Variants in MKX observed in about 807,000 individuals in gnomAD.
MKX encodes homeobox protein Mohawk.
Under a neutral mutation model 36.0 loss-of-function variants are expected in MKX, and 13 were observed. That is an observed-to-expected ratio of 0.36 (90% confidence interval 0.24 to 0.57). The LOEUF (loss-of-function observed/expected upper bound fraction) is 0.57. MKX is among the 20% of genes least tolerant of loss of function. The probability of loss-of-function intolerance (pLI) is 0.79; values close to 1 mark genes in which losing one functional copy is unlikely to be tolerated. For missense variants in MKX, 458 were observed against 456.4 expected (o/e 1.00, Z -0.03); for synonymous variants, 176 against 178.3 (o/e 0.99, Z 0.10).
At chr10:27,679,750 T>G (rs898741667) in intron 5 of MKX, among the ~76,000 whole-genome samples, 16 of 152,220 alleles carry the variant, frequency 1.1e-4, no homozygotes, top group African/African-American at 3.9e-4. Flanking sequence ...CTGATATCAT[T>G]TGATGGGAAT....
At chr10:27,685,683 C>A (rs1432252051) in intron 5 of MKX, among the ~76,000 whole-genome samples, 1 of 152,158 alleles carries the variant, frequency 6.6e-6, no homozygotes, top group African/African-American at 2.4e-5. Context: ...ATCTCCTAAC[C>A]TTGTGATCCA....
intron 5 of MKX, among the ~76,000 whole-genome samples, chr10:27,678,016 TA>T (rs1836185358): frequency 6.6e-6 from 1 of 152,252 alleles, no homozygotes; most frequent in East Asian, 1.9e-4. Flanking sequence ...TGATCATTTG[TA>T]ATTTACAGAA....
At chr10:27,678,673 A>G (rs557701543) in intron 5 of MKX, among the ~76,000 whole-genome samples, 4 of 152,236 alleles carry the variant, frequency 2.6e-5, no homozygotes, top group Admixed American at 1.3e-4. Context: ...CTGCACGTGG[A>G]AGGAGAAGAT....
intron 5 of MKX, among the ~76,000 whole-genome samples, chr10:27,728,119 A>C (rs1240310604): frequency 6.6e-6 from 1 of 152,248 alleles, no homozygotes; most frequent in African/African-American, 2.4e-5. Context: ...TTTGCATGCC[A>C]GGAAAAGAAT....
At position 27,722,839 on chromosome 10, in the gene MKX, G is replaced by C. The variant is rs78811371; in HGVS notation, c.838+11617C>G. Among the ~76,000 whole-genome samples the C allele has an allele frequency of 2.0e-3, 301 of 152,276 alleles. 1 individual carries two copies. Among genetic ancestry groups the C allele is most frequent in the African/African-American group, 6.9e-3 (285 of 41,558 alleles). On this transcript the variant is annotated intron_variant, in intron 5 of 6. Transcript: ENST00000419761. ...AATGAAAGCATCTGAGAGACAACGT[G>C]AGGTCAAACATAGCACAGATGGGTC... is the stretch of plus-strand genomic sequence containing the variant.
chr10:27,741,265 G>C lies in MKX; in HGVS notation c.348+80C>G. ...TCTCCAGGTAGAAGCGCCACGTGGA[G>C]AGCCACACGAACTCTAAGCGTTCCC... is the stretch of plus-strand genomic sequence containing the variant. On this transcript the variant is annotated intron_variant, in intron 3 of 6. Transcript: ENST00000419761. The surrounding 1 kb of genome is among the most constrained non-coding windows in gnomAD (Gnocchi z 5.1). 1 of 1,563,430 alleles carries C rather than the reference G, an allele frequency of 6.4e-7. No homozygotes were observed. Among genetic ancestry groups the C allele is most frequent in the Non-Finnish European group, 8.7e-7 (1 of 1,148,616 alleles).
chr10:27,734,183 T>C (rs919719620), intron 5 of MKX, among the ~76,000 whole-genome samples: 2 of 151,740 alleles, frequency 1.3e-5, no homozygotes, highest in African/African-American at 4.8e-5. Flanking sequence ...AAAAACAAAA[T>C]GAAAATATTA....
chr10:27,683,433 C>T (rs1243401781), intron 5 of MKX, among the ~76,000 whole-genome samples: 6 of 152,212 alleles, frequency 3.9e-5, no homozygotes, highest in African/African-American at 1.4e-4. Flanking sequence ...CTACGAGATT[C>T]GCACATGATG....
intron 5 of MKX, among the ~76,000 whole-genome samples, chr10:27,683,654 C>T (rs915332191): frequency 5.9e-5 from 9 of 152,354 alleles, no homozygotes; most frequent in Middle Eastern, 3.4e-3. Flanking sequence ...GGGGCCATTA[C>T]TTTGATAGCA....
chr10:27,698,811 A>G (rs1836601252), intron 5 of MKX, among the ~76,000 whole-genome samples: 1 of 152,150 alleles, frequency 6.6e-6, no homozygotes, highest in Non-Finnish European at 1.5e-5. Context: ...TTTTCTCCTC[A>G]ATGCATTCCT....
At chr10:27,692,709 A>G (rs1275680741) in intron 5 of MKX, among the ~76,000 whole-genome samples, 2 of 152,244 alleles carry the variant, frequency 1.3e-5, no homozygotes, top group Non-Finnish European at 2.9e-5. Context: ...TTTATAAACT[A>G]AAGTGAACTT....
At chr10:27,721,740 G>C (rs1366450832) in intron 5 of MKX, among the ~76,000 whole-genome samples, 1 of 152,138 alleles carries the variant, frequency 6.6e-6, no homozygotes, top group Non-Finnish European at 1.5e-5. Flanking sequence ...GTTAACCTAT[G>C]TAACAAATCT....
intron 5 of MKX, among the ~76,000 whole-genome samples, chr10:27,677,630 GTC>G (rs1268772561): frequency 1.3e-5 from 2 of 152,120 alleles, no homozygotes; most frequent in Non-Finnish European, 1.5e-5. Flanking sequence ...ACAATCATGG[GTC>G]ACTCTGAGCT....
intron 3 of MKX, among the ~76,000 whole-genome samples, chr10:27,739,786 T>C (rs1280091390): frequency 6.6e-6 from 1 of 152,196 alleles, no homozygotes; most frequent in Non-Finnish European, 1.5e-5. Flanking sequence ...ACCTAGTGTT[T>C]CATTGCTGAC....
Position 27,675,419 on chromosome 10 carries a change from G to A in MKX, c.873-4C>T. ...TGGTCCTTTTCTGTTAGCTGCGCTG[G>A]AGTTAAGCAAAACAGAAAGTAAACG... On this transcript the variant is annotated splice_region_variant and splice_polypyrimidine_tract_variant and intron_variant, in intron 6 of 6. Transcript: ENST00000419761. The A allele has an allele frequency of 1.2e-6, 2 of 1,614,110 alleles. No individual in the cohort carries two copies. Among genetic ancestry groups the A allele is most frequent in the South Asian group, 2.2e-5 (2 of 91,056 alleles).
chr10:27,679,783 A>T (rs763019734), intron 5 of MKX, among the ~76,000 whole-genome samples: 1 of 152,232 alleles, frequency 6.6e-6, no homozygotes, highest in Non-Finnish European at 1.5e-5. Context: ...CAATCTTCTC[A>T]TTATACTAAC....
At chr10:27,736,092 G>A (rs1413418776) in intron 3 of MKX, among the ~76,000 whole-genome samples, 1 of 151,916 alleles carries the variant, frequency 6.6e-6, no homozygotes, top group South Asian at 2.1e-4. Context: ...TGAAGGGAGG[G>A]GATGAGCAAA....
At chr10:27,706,367 C>T (rs1836755709) in intron 5 of MKX, among the ~76,000 whole-genome samples, 1 of 152,088 alleles carries the variant, frequency 6.6e-6, no homozygotes, top group Admixed American at 6.5e-5. Flanking sequence ...TTGTTTCAGT[C>T]CCTGACTTTA....
rs1373386532 is a variant in MKX at position 27,730,672 on chromosome 10, G to C, written c.838+3784C>G. The stretch of plus-strand genomic sequence containing the variant: ...GGTGTTTCACCATATTGGCCAGGCT[G>C]GTCTCGAACTCCTAATTTCAGGTGA... On this transcript the variant is annotated intron_variant, in intron 5 of 6. Coordinates refer to ENST00000419761, the MANE Select transcript of MKX (RefSeq NM_173576.3). Among the ~76,000 whole-genome samples the C allele has an allele frequency of 2.0e-5, 3 of 151,524 alleles. No individual in the cohort carries two copies. In the East Asian group the frequency reaches 5.9e-4, roughly 30 times the overall value.
Sources: gnomAD v4.1 joint callset for allele counts (sites outside exome capture counted in the v4.1 genomes callset) on GRCh38, gnomAD v4.1.1 for gene constraint, Gnocchi (gnomAD v3.1) non-coding constraint, MANE v1.5 for transcripts, NCBI Gene and HGNC (gene_info 2026-07-23, HGNC 2026-07-21) for gene names.